Variants in TCERG1L observed in about 807,000 individuals in gnomAD.
TCERG1L encodes transcription elongation regulator 1 like, also known as transcription elongation regulator 1-like protein.
In TCERG1L, 37 loss-of-function variants were observed where a neutral mutation model predicts 56.3. The observed-to-expected ratio is 0.66, with a 90% CI of 0.51 to 0.87. TCERG1L has a LOEUF of 0.87. Ranked by LOEUF, TCERG1L falls within the 40% of genes least tolerant of loss-of-function variation. TCERG1L has a pLI of 0.00. For missense variants in TCERG1L, 799 were observed against 774.2 expected, an observed-to-expected ratio of 1.03 and a Z score of -0.38; for synonymous variants, 324 against 326.3, an observed-to-expected ratio of 0.99 and a Z score of 0.08.
chr10:131,210,114 G>A (rs1845600926), intron 4 of TCERG1L, among the ~76,000 whole-genome samples: 1 of 152,224 alleles, frequency 6.6e-6, no homozygotes, highest in African/African-American at 2.4e-5. Flanking sequence ...TATTCAACAT[G>A]AAATCCATTG....
At chr10:131,093,574 C>T (rs924648268) in intron 11 of TCERG1L, among the ~76,000 whole-genome samples, 13 of 152,190 alleles carry the variant, frequency 8.5e-5, no homozygotes, top group Non-Finnish European at 1.2e-4. Context: ...TGAGCGGCCC[C>T]CACCAGCCTC....
rs1238346196 is a variant in TCERG1L at position 131,237,094 on chromosome 10, C to T, written c.856+23165G>A. 2.6e-5 allele frequency among the ~76,000 whole-genome samples: 4 copies of T among 152,044 alleles called. No homozygotes were observed. The East Asian group carries it at 7.7e-4, about 29-fold the overall frequency. Reference sequence around the variant, plus strand: ...CACCCCATGCCCTGCCGCTGCCCCTCCCCTCCTTGCTGGCCTGTGAACATG... The same window carrying T: ...CACCCCATGCCCTGCCGCTGCCCCTTCCCTCCTTGCTGGCCTGTGAACATG... On this transcript the variant is annotated intron_variant, in intron 4 of 11. Transcript: ENST00000368642.
chr10:131,177,040 GCA>G (rs1170554568), intron 4 of TCERG1L, among the ~76,000 whole-genome samples: 83 of 134,494 alleles, frequency 6.2e-4, no homozygotes, highest in African/African-American at 1.8e-3. Context: ...ACAGACACAT[GCA>G]CACACACAGA....
At chr10:131,147,570 C>T (rs1845812612) in intron 6 of TCERG1L, among the ~76,000 whole-genome samples, 1 of 152,246 alleles carries the variant, frequency 6.6e-6, no homozygotes, top group Non-Finnish European at 1.5e-5. Context: ...GCACCGAGGC[C>T]CGTTCCAGGT....
rs772206464 is a variant in TCERG1L, at chr10:131,146,494, G to C, written c.1189+12C>G. ...CTTCAAAGGAGGTGTAAATAACCCA[G>C]GGCTTAGTTACTTGCTGGTGCCTCC... On this transcript the variant is annotated intron_variant, in intron 7 of 11. Transcript: ENST00000368642. 27 of 1,600,460 alleles carry C rather than the reference G, an allele frequency of 1.7e-5. No homozygotes were observed. Among genetic ancestry groups the C allele is most frequent in the Non-Finnish European group, 2.3e-5 (27 of 1,171,206 alleles).
At position 131,093,567 on chromosome 10, in the gene TCERG1L, G is replaced by A. The variant is rs966394816; in HGVS notation, c.1605-249C>T. On this transcript the variant is annotated intron_variant, in intron 11 of 11. Transcript: ENST00000368642. Reference sequence around the variant, plus strand: ...TCCTCTGAGTGGTCTCCGGAAATGAGCGGCCCCCACCAGCCTCCTCAGCCG... The same window carrying A: ...TCCTCTGAGTGGTCTCCGGAAATGAACGGCCCCCACCAGCCTCCTCAGCCG... Among the ~76,000 whole-genome samples the A allele has an allele frequency of 4.6e-5, 7 of 152,260 alleles. No homozygotes were observed. The Middle Eastern group carries it at 0.017, about 370-fold the overall frequency.
chr10:131,134,575 T>A, intron 7 of TCERG1L, 127 bp from the exon 8 acceptor site: 1 of 704,746 alleles, frequency 1.4e-6, no homozygotes, highest in South Asian at 1.8e-5. Flanking sequence ...TCTTAAAGAT[T>A]GATGTGAAAT....
chr10:131,229,237 C>T (rs1176133579), intron 4 of TCERG1L, among the ~76,000 whole-genome samples: 2 of 152,390 alleles, frequency 1.3e-5, no homozygotes, highest in Non-Finnish European at 2.9e-5. Context: ...GACTCTGGGC[C>T]GTCCTCAGTG....
At chr10:131,239,746 G>T (rs554229538) in intron 4 of TCERG1L, among the ~76,000 whole-genome samples, 2 of 152,228 alleles carry the variant, frequency 1.3e-5, no homozygotes, top group African/African-American at 4.8e-5. Flanking sequence ...CTTGGCCTTC[G>T]GCTCAGGCTC....
At chr10:131,130,038 T>C (rs921857656) in intron 8 of TCERG1L, among the ~76,000 whole-genome samples, 1 of 149,728 alleles carries the variant, frequency 6.7e-6, no homozygotes, top group Non-Finnish European at 1.5e-5. Flanking sequence ...CCCTGACACA[T>C]GCCACTTTCA....
chr10:131,253,120 G>T (rs1418152328), intron 4 of TCERG1L, among the ~76,000 whole-genome samples: 1 of 152,226 alleles, frequency 6.6e-6, no homozygotes, highest in African/African-American at 2.4e-5. Flanking sequence ...GCCTGTGCCT[G>T]CCAGGCGGAC....
At chr10:131,309,834 CAAAAAAAAAA>C (rs58892586) in intron 1 of TCERG1L, among the ~76,000 whole-genome samples, 2 of 49,822 alleles carry the variant, frequency 4.0e-5, no homozygotes, top group East Asian at 5.6e-4. Context: ...GATTCTATGG[CAAAAAAAAAA>C]AAAAAAAAAA....
At chr10:131,104,974 T>A (rs1413615409) in intron 9 of TCERG1L, among the ~76,000 whole-genome samples, 1 of 152,254 alleles carries the variant, frequency 6.6e-6, no homozygotes, top group Non-Finnish European at 1.5e-5. Flanking sequence ...TATTCAGATT[T>A]CTTTAGGTTT....
intron 5 of TCERG1L, among the ~76,000 whole-genome samples, chr10:131,163,511 G>T (rs545856030): frequency 1.3e-5 from 2 of 152,312 alleles, no homozygotes; most frequent in East Asian, 1.9e-4. Context: ...GGCATCTGAG[G>T]TCTGAGGTCT....
At chr10:131,223,437 G>A (rs1458348211) in intron 4 of TCERG1L, among the ~76,000 whole-genome samples, 1 of 152,192 alleles carries the variant, frequency 6.6e-6, no homozygotes, top group Non-Finnish European at 1.5e-5. Context: ...GCTAGATGCC[G>A]ACCCATCCTG....
chr10:131,266,033 T>C (rs1846281600), intron 3 of TCERG1L, among the ~76,000 whole-genome samples: 1 of 152,270 alleles, frequency 6.6e-6, no homozygotes, highest in Admixed American at 6.5e-5. Context: ...TGCTGCTTTA[T>C]CAACTCAGTC....
At chr10:131,229,276 G>A (rs117899282) in intron 4 of TCERG1L, among the ~76,000 whole-genome samples, 87 of 152,338 alleles carry the variant, frequency 5.7e-4, no homozygotes, top group Non-Finnish European at 8.1e-4. Flanking sequence ...ATTCTCCTCC[G>A]CATCGAACTG....
chr10:131,134,851 G>A (rs1177413822), intron 7 of TCERG1L, among the ~76,000 whole-genome samples: 1 of 152,110 alleles, frequency 6.6e-6, no homozygotes, highest in African/African-American at 2.4e-5. Flanking sequence ...GGGAAGGGTG[G>A]CCCCCAGCAG....
intron 4 of TCERG1L, among the ~76,000 whole-genome samples, chr10:131,213,720 C>T (rs1246541994): frequency 6.6e-6 from 1 of 152,198 alleles, no homozygotes; most frequent in African/African-American, 2.4e-5. Context: ...CTGGACCCTG[C>T]TCTCCTGTGT....
Sources: gnomAD v4.1 joint callset for allele counts (sites outside exome capture counted in the v4.1 genomes callset) on GRCh38, gnomAD v4.1.1 for gene constraint, MANE v1.5 for transcripts, NCBI Gene and HGNC (gene_info 2026-07-23, HGNC 2026-07-21) for gene names.